The following DNMT1 variants were observed in gnomAD, a reference collection of about 807,000 sequenced individuals.
DNMT1 encodes the protein DNA methyltransferase 1.
A neutral mutation model predicts 205.3 loss-of-function variants in DNMT1; 24 were observed. That is an observed-to-expected ratio of 0.12 (90% CI 0.08 to 0.16). The LOEUF (loss-of-function observed/expected upper bound fraction) is 0.16. Among genes scored for constraint, DNMT1 ranks in the 10% least tolerant of loss-of-function variants. DNMT1 has a pLI of 1.00. For synonymous variants in DNMT1, 817 were observed against 839.8 expected (o/e 0.97, Z 0.47); for missense variants, 1,293 against 2,177.7 (o/e 0.59, Z 8.09).
chr19:10,173,782 G>T, intron 8 of DNMT1, 89 bp downstream of exon 8: 1 of 1,450,314 alleles, frequency 6.9e-7, no homozygotes, highest in Non-Finnish European at 9.7e-7. Context: ...ATGAGTCACC[G>T]TGCCCGGCCT....
rs1417873308 is a variant in DNMT1, at chr19:10,156,160, G to GT, written c.1400-216dup. ...CAGCTGACTATTGCTTCATAAGTAT[G>GT]TTTTTTATTTATACATATATATAAG... On this transcript the variant is annotated intron_variant, in intron 18 of 40. Coordinates refer to ENST00000359526, the MANE Select transcript of DNMT1 (RefSeq NM_001130823.3). The surrounding 1 kb of genome is among the most constrained non-coding windows in gnomAD (Gnocchi z 4.2). Among the ~76,000 whole-genome samples, 1 of 151,124 alleles carries GT rather than the reference G, an allele frequency of 6.6e-6. No homozygotes were observed. The highest frequency in any genetic ancestry group is 1.5e-5 in the Non-Finnish European group (1 of 67,886).
chr19:10,137,328 C>CGA lies in DNMT1; in HGVS notation c.4294-50_4294-49dup, dbSNP rs2089505903. On this transcript the variant is annotated intron_variant, in intron 36 of 40. Transcript: ENST00000359526. This position sits in a 1 kb window ranked among gnomAD's most constrained non-coding sequence, Gnocchi z 6.4. ...GCTGTCACCTCATGTGAGCAGCATC[C>CGA]GAGCATCCATGGTGGGCTGGGAGCT... 6.4e-7 allele frequency: 1 copy of CGA among 1,561,586 alleles called. No individual in the cohort carries two copies. Among genetic ancestry groups the CGA allele is most frequent in the Non-Finnish European group, 8.7e-7 (1 of 1,154,906 alleles).
At chr19:10,176,748 C>T (rs574289763) in intron 6 of DNMT1, among the ~76,000 whole-genome samples, 46 of 152,170 alleles carry the variant, frequency 3.0e-4, no homozygotes, top group Admixed American at 7.9e-4. Flanking sequence ...ATCCCAGATA[C>T]TCAGGAGGCT....
Position 10,149,672 on chromosome 19 carries a change from C to T in DNMT1, c.2382-15G>A, listed in dbSNP as rs111694626. 193 of 1,613,216 alleles carry T rather than the reference C, an allele frequency of 1.2e-4. 2 individuals carry two copies. The African/African-American group carries it at 2.3e-3, about 19-fold the overall frequency. On this transcript the variant is annotated splice_polypyrimidine_tract_variant and intron_variant, in intron 25 of 40. Coordinates refer to ENST00000359526, the MANE Select transcript of DNMT1 (RefSeq NM_001130823.3). ...GCGCCGTGACCCTGGAATCAGAAGACGGGCATGGGGAGAAAGTTCTGACTT... is the reference window on the plus strand; with the variant it reads ...GCGCCGTGACCCTGGAATCAGAAGATGGGCATGGGGAGAAAGTTCTGACTT...
chr19:10,186,933 T>C (rs2039196976), intron 1 of DNMT1, among the ~76,000 whole-genome samples: 1 of 148,650 alleles, frequency 6.7e-6, no homozygotes, highest in African/African-American at 2.5e-5. Flanking sequence ...AGAAAGGGTA[T>C]AACAGCCTCA....
chr19:10,176,348 G>A lies in DNMT1; in HGVS notation c.570-730C>T, dbSNP rs2038938132. Among the ~76,000 whole-genome samples the A allele has an allele frequency of 2.0e-5, 3 of 152,282 alleles. No homozygotes were observed. The South Asian group carries it at 6.2e-4, about 32-fold the overall frequency. ...CTTCAAGTAAATGGCAAGAAGATAA[G>A]AGATGAAGGAATTTAAAATCTGTGA... On this transcript the variant is annotated intron_variant, in intron 6 of 40. Transcript: ENST00000359526.
intron 1 of DNMT1, among the ~76,000 whole-genome samples, chr19:10,193,158 A>G (rs115381195): frequency 0.011 from 1,694 of 152,286 alleles, 22 homozygotes; most frequent in African/African-American, 0.037. Flanking sequence ...GTTTAAGACC[A>G]GCCTGGGCAA....
Position 10,149,033 on chromosome 19 carries a change from T to G in DNMT1, c.2587-16A>C, listed in dbSNP as rs1372785654. On this transcript the variant is annotated splice_polypyrimidine_tract_variant and intron_variant, in intron 26 of 40. Transcript: ENST00000359526. ...CCATGCCTCCCTTGGGAGATAAGAA[T>G]GCGTGTCAGGCCAGGCGCAGTGGCT... The G allele has an allele frequency of 5.6e-6, 9 of 1,613,690 alleles. No individual in the cohort carries two copies. The highest frequency in any genetic ancestry group is 7.6e-6 in the Non-Finnish European group (9 of 1,179,932).
At position 10,163,682 on chromosome 19, in the gene DNMT1, G is replaced by A. The variant is rs559145321; in HGVS notation, c.892-322C>T. Among the ~76,000 whole-genome samples the A allele has an allele frequency of 8.1e-4, 123 of 152,326 alleles. 1 individual carries two copies. Among genetic ancestry groups the A allele is most frequent in the Non-Finnish European group, 1.6e-3 (107 of 68,034 alleles). On this transcript the variant is annotated intron_variant, in intron 11 of 40. Transcript: ENST00000359526. ...GGTCTGTGTCAGGATGATCATCTCT[G>A]CTATGGTAGCACAAAAGCACCCACA...
intron 1 of DNMT1, among the ~76,000 whole-genome samples, chr19:10,190,391 C>G (rs2039276241): frequency 6.6e-6 from 1 of 152,052 alleles, no homozygotes; most frequent in Non-Finnish European, 1.5e-5. Flanking sequence ...TATAATGGCA[C>G]CATGCGGGAT....
chr19:10,162,915 G>A (rs2038605369), intron 12 of DNMT1, 167 bp from the exon 13 acceptor site: 3 of 707,346 alleles, frequency 4.2e-6, no homozygotes, highest in Non-Finnish European at 7.3e-6. Flanking sequence ...GGCCTTCAGA[G>A]GCCCCAGGGT....
rs1302385010 is a variant in DNMT1, at chr19:10,182,184, C to T, written c.81-107G>A. The stretch of plus-strand genomic sequence containing the variant: ...AAGTTTTGGACACAAACAAGTTTAA[C>T]ATATGAGTGTTAGAAAAAACTAAGC... On this transcript the variant is annotated intron_variant, in intron 1 of 40. Transcript: ENST00000359526. 4 of 1,200,326 alleles carry T rather than the reference C, an allele frequency of 3.3e-6. No individual in the cohort carries two copies. In the African/African-American group the frequency reaches 4.5e-5, roughly 14 times the overall value. The allele number at this position is 1,200,326 out of a possible 1,614,324, so 74.4% of individuals were successfully genotyped here. A position where few individuals can be genotyped will look rare whatever the true frequency, so the allele number is the denominator to read the frequency against.
intron 9 of DNMT1, among the ~76,000 whole-genome samples, chr19:10,170,204 G>A (rs1490597947): frequency 6.6e-6 from 1 of 151,776 alleles, no homozygotes; most frequent in Non-Finnish European, 1.5e-5. Context: ...AGAATCGCTG[G>A]AACCCAGGGG....
At chr19:10,194,470 G>A in intron 1 of DNMT1, 1 of 196,462 alleles carries the variant, frequency 5.1e-6, no homozygotes, top group South Asian at 1.3e-4. Flanking sequence ...CTTCCTGTGC[G>A]ACCAAGCTGG....
intron 27 of DNMT1, among the ~76,000 whole-genome samples, chr19:10,148,239 G>C (rs773484721): frequency 1.3e-5 from 2 of 151,490 alleles, no homozygotes; most frequent in South Asian, 2.1e-4. Context: ...GCTCACGCCT[G>C]TAATCCCAGC....
At chr19:10,160,632 T>G (rs562988272) in intron 13 of DNMT1, among the ~76,000 whole-genome samples, 4 of 152,290 alleles carry the variant, frequency 2.6e-5, no homozygotes, top group Admixed American at 2.0e-4. Context: ...CAGTGGCTCA[T>G]GCCTGTAATC....
At chr19:10,172,303 T>TACTCAGGAGGCTGAGGCACAAGA (rs2038836590) in intron 9 of DNMT1, among the ~76,000 whole-genome samples, 1 of 147,912 alleles carries the variant, frequency 6.8e-6, no homozygotes, top group Non-Finnish European at 1.5e-5. Flanking sequence ...TAATCCCAGC[T>TACTCAGGAGGCTGAGGCACAAGA]ACTCAGGAGG....
intron 5 of DNMT1, among the ~76,000 whole-genome samples, chr19:10,178,384 C>T (rs2038975448): frequency 6.6e-6 from 1 of 151,948 alleles, no homozygotes. Flanking sequence ...TGGTGAAACC[C>T]TGTCTCTACT....
At chr19:10,167,257 G>A (rs1568244021) in intron 10 of DNMT1, among the ~76,000 whole-genome samples, 1 of 151,034 alleles carries the variant, frequency 6.6e-6, no homozygotes, top group Admixed American at 6.6e-5. Flanking sequence ...GTGCAGTGAT[G>A]TGATCTCAGC....
Sources: gnomAD v4.1 joint callset for allele counts (sites outside exome capture counted in the v4.1 genomes callset) on GRCh38, gnomAD v4.1.1 for gene constraint, Gnocchi (gnomAD v3.1) non-coding constraint, MANE v1.5 for transcripts, NCBI Gene and HGNC (gene_info 2026-07-23, HGNC 2026-07-21) for gene names.